UNC93A: variants seen among roughly 807,000 people sequenced by gnomAD.
The protein encoded by UNC93A is N-acetylglucosamine transporter UNC93A.
UNC93A carries 43 observed loss-of-function variants against 47.5 expected under a neutral mutation model. That is an observed-to-expected ratio of 0.91 (90% CI 0.71 to 1.17). UNC93A has a LOEUF of 1.17. Among genes scored for constraint, UNC93A ranks in the 50% most tolerant of loss-of-function variants. UNC93A has a pLI of 0.00. For missense variants in UNC93A, 605 were observed against 577.6 expected, an observed-to-expected ratio of 1.05 and a Z score of -0.49; for synonymous variants, 280 against 258.0, an observed-to-expected ratio of 1.09 and a Z score of -0.82.
Position 167,297,929 on chromosome 6 carries a change from C to T in UNC93A, c.500-16C>T, listed in dbSNP as rs774335999. The T allele has an allele frequency of 1.4e-5, 22 of 1,612,596 alleles. No individual in the cohort carries two copies. The Admixed American group carries it at 2.3e-4, about 17-fold the overall frequency. On this transcript the variant is annotated splice_polypyrimidine_tract_variant and intron_variant, in intron 3 of 7. Transcript: ENST00000230256. ...TTGCCGTCATCTCATGTCTCCTGTCCACTCTGACTTCATAGAGACCCTTCC... is the reference window on the plus strand; with the variant it reads ...TTGCCGTCATCTCATGTCTCCTGTCTACTCTGACTTCATAGAGACCCTTCC...
chr6:167,285,560 C>T (rs945293416), intron 1 of UNC93A, among the ~76,000 whole-genome samples: 4 of 151,658 alleles, frequency 2.6e-5, no homozygotes, highest in Non-Finnish European at 4.4e-5. Flanking sequence ...TGGCCTCTGT[C>T]GCAAGCACAG....
intron 7 of UNC93A, among the ~76,000 whole-genome samples, chr6:167,314,212 C>G (rs962845414): frequency 6.8e-6 from 1 of 147,206 alleles, no homozygotes; most frequent in Non-Finnish European, 1.5e-5. Flanking sequence ...TTCGGCAAGA[C>G]GGTTCTTTCC....
upstream of UNC93A, among the ~76,000 whole-genome samples, chr6:167,269,041 CCA>C (rs56246587): frequency 0.16 from 24,928 of 152,224 alleles, 2,262 homozygotes; most frequent in South Asian, 0.29. Flanking sequence ...ACCTGGTGGC[CCA>C]CTGGGACCAG....
chr6:167,301,433 T>C (rs1562354666), intron 4 of UNC93A, among the ~76,000 whole-genome samples: 1 of 152,150 alleles, frequency 6.6e-6, no homozygotes, highest in Admixed American at 6.5e-5. Context: ...AAGAAAAACA[T>C]AGGAAGAGAG....
rs1461576546 is a variant in UNC93A at position 167,297,953 on chromosome 6, C to T, written c.508C>T (p.Pro170Ser). 1.2e-6 allele frequency: 2 copies of T among 1,613,968 alleles called. No homozygotes were observed. The highest frequency in any genetic ancestry group is 4.5e-5 in the East Asian group (2 of 44,886). The change falls in exon 4 of 8, where the codon CCA becomes TCA. Residue 170 changes from proline to serine, a missense_variant. Coordinates refer to ENST00000230256, the MANE Select transcript of UNC93A (RefSeq NM_018974.4). ...CCACTCTGACTTCATAGAGACCCTT[C>T]CAGAAGAGCAGCTCACGTCCTGTGG... ...FGQTPSQETL[P>S]EEQLTSCGAS...
intron 1 of UNC93A, among the ~76,000 whole-genome samples, chr6:167,277,291 C>T (rs1783559158): frequency 6.6e-6 from 1 of 152,238 alleles, no homozygotes; most frequent in Non-Finnish European, 1.5e-5. Flanking sequence ...GTGCTGGCCC[C>T]TCTGCCTTCT....
chr6:167,312,211 A>C (rs450219), intron 7 of UNC93A, among the ~76,000 whole-genome samples: 2 of 138,790 alleles, frequency 1.4e-5, no homozygotes, highest in Admixed American at 7.1e-5. Context: ...CTGGTGAGGC[A>C]CTTTCTTGTC....
At position 167,304,040 on chromosome 6, in the gene UNC93A, C is replaced by T; in HGVS notation, c.747C>T (p.Phe249=). 6.2e-7 allele frequency: 1 copy of T among 1,614,034 alleles called. No homozygotes were observed. Among genetic ancestry groups the T allele is most frequent in the Non-Finnish European group, 8.5e-7 (1 of 1,180,002 alleles). The change falls in exon 5 of 8, where the codon TTC becomes TTT. Residue 249 remains phenylalanine (F), a synonymous_variant. Transcript: ENST00000230256. ...TCTGGTCCACTTTACTGTCGACTTTCAAGCTATATAGAGATAAACGTCTGT... is the reference window on the plus strand; with the variant it reads ...TCTGGTCCACTTTACTGTCGACTTTTAAGCTATATAGAGATAAACGTCTGT... ...VPFWSTLLST[F]KLYRDKRLCL... is the part of the protein sequence containing the mutation.
intron 7 of UNC93A, among the ~76,000 whole-genome samples, chr6:167,309,514 C>T (rs1199623829): frequency 1.3e-5 from 2 of 152,142 alleles, no homozygotes; most frequent in Non-Finnish European, 2.9e-5. Flanking sequence ...GTGAGCATGG[C>T]TCACATGAGA....
chr6:167,307,826 C>A lies in UNC93A; in HGVS notation c.1024C>A (p.Pro342Thr). 6.2e-7 allele frequency: 1 copy of A among 1,614,074 alleles called. No individual in the cohort carries two copies. The highest frequency in any genetic ancestry group is 8.5e-7 in the Non-Finnish European group (1 of 1,179,966). Residue 342 changes from proline (P) to threonine (T), a missense_variant, in exon 7 of 8, where the codon CCT becomes ACT. Pro to Thr is a conservative substitution (Grantham distance 38). Transcript: ENST00000230256. The part of the protein sequence containing the change: ...SCMIALLLWR[P>T]RADHLAVFFV... ...CATGATTGCCCTACTGCTGTGGAGA[C>A]CTCGTGCTGACCATCTGGCAGTGTT...
At chr6:167,291,702 C>T in intron 1 of UNC93A, 126 bp downstream of exon 1, 1 of 864,644 alleles carries the variant, frequency 1.2e-6, no homozygotes, top group Non-Finnish European at 1.8e-6. Context: ...TCACTCTGTA[C>T]CAAATCCTCT....
intron 6 of UNC93A, among the ~76,000 whole-genome samples, chr6:167,306,837 G>A (rs4709162): frequency 0.28 from 42,796 of 152,142 alleles, 6,317 homozygotes; most frequent in East Asian, 0.53. Context: ...CTGCCTTTCC[G>A]CTGACAGAGA....
chr6:167,283,713 C>A (rs1783672915), intron 1 of UNC93A, among the ~76,000 whole-genome samples: 1 of 152,156 alleles, frequency 6.6e-6, no homozygotes, highest in African/African-American at 2.4e-5. Flanking sequence ...AATTTTCATT[C>A]TTTCACAGTT....
chr6:167,275,339 G>A (rs745445247), intron 1 of UNC93A, among the ~76,000 whole-genome samples: 1 of 152,214 alleles, frequency 6.6e-6, no homozygotes, highest in African/African-American at 2.4e-5. Context: ...GTTTGGCAAC[G>A]TGGCTTTCTA....
chr6:167,307,156 C>T (rs1015410323), intron 6 of UNC93A, among the ~76,000 whole-genome samples: 3 of 152,194 alleles, frequency 2.0e-5, no homozygotes, highest in Admixed American at 6.5e-5. Flanking sequence ...TGACTTTAAA[C>T]CCTCTTAGCT....
intron 7 of UNC93A, among the ~76,000 whole-genome samples, chr6:167,314,962 C>T (rs1181338982): frequency 1.3e-5 from 2 of 152,144 alleles, no homozygotes; most frequent in Non-Finnish European, 2.9e-5. Context: ...TCACGGGCAC[C>T]GGTCCTCAAC....
chr6:167,312,266 C>T (rs932534591), intron 7 of UNC93A, among the ~76,000 whole-genome samples: 2 of 150,942 alleles, frequency 1.3e-5, no homozygotes, highest in African/African-American at 4.9e-5. Context: ...TCCTCACCAG[C>T]GATGTTAACC....
chr6:167,289,496 A>C (rs1197778033), upstream of UNC93A, among the ~76,000 whole-genome samples: 1 of 152,242 alleles, frequency 6.6e-6, no homozygotes, highest in Non-Finnish European at 1.5e-5. Context: ...TCAGAAATTC[A>C]ATCCTAGTAG....
Position 167,315,620 on chromosome 6 carries a change from A to G in UNC93A, c.*168A>G. 2.2e-6 allele frequency: 2 copies of G among 893,022 alleles called. No individual in the cohort carries two copies. Among genetic ancestry groups the G allele is most frequent in the South Asian group, 3.7e-5 (2 of 54,598 alleles). 55.3% of individuals were successfully genotyped at this position (893,022 alleles called of 1,614,324 possible). On this transcript the variant is annotated 3_prime_UTR_variant, in exon 8 of 8. Transcript: ENST00000230256. The stretch of plus-strand genomic sequence containing the variant: ...TCATGTATTTTTTTTCTATTCTAAC[A>G]AATTTTTCGTCCACCATCTTAACAG...
Sources: allele counts gnomAD v4.1 joint callset (sites outside exome capture counted in the v4.1 genomes callset), GRCh38; gene constraint gnomAD v4.1.1; transcripts MANE v1.5; gene names NCBI Gene and HGNC (gene_info 2026-07-23, HGNC 2026-07-21).